The following PKD1L1 variants were observed in gnomAD, a reference collection of about 807,000 sequenced individuals.
The protein encoded by PKD1L1 is polycystin 1 like 1, transient receptor potential channel interacting.
In PKD1L1, 236 loss-of-function variants were observed where a neutral mutation model predicts 323.4. The observed-to-expected ratio is 0.73, with a 90% CI of 0.66 to 0.81. PKD1L1 has a LOEUF of 0.81. Among genes scored for constraint, PKD1L1 ranks in the 40% least tolerant of loss-of-function variants. The pLI, the probability that PKD1L1 is intolerant of heterozygous loss-of-function variation, is 0.00. For synonymous variants in PKD1L1, 1,344 were observed against 1,335.0 expected (o/e 1.01, Z -0.15); for missense variants, 3,320 against 3,508.0 (o/e 0.95, Z 1.35).
At chr7:47,923,335 T>TAAAA (rs371527820) in intron 7 of PKD1L1, among the ~76,000 whole-genome samples, 128 of 123,502 alleles carry the variant, frequency 1.0e-3, no homozygotes, top group African/African-American at 3.7e-3. Context: ...CAATAAATAC[T>TAAAA]AAAAAAAAAA....
intron 22 of PKD1L1, among the ~76,000 whole-genome samples, chr7:47,876,686 G>T (rs984596739): frequency 6.6e-6 from 1 of 152,154 alleles, no homozygotes; most frequent in Non-Finnish European, 1.5e-5. Context: ...GGGCAGGGAG[G>T]TCAGTGTCCT....
At chr7:47,812,709 T>C (rs1784927227) in intron 49 of PKD1L1, among the ~76,000 whole-genome samples, 1 of 152,108 alleles carries the variant, frequency 6.6e-6, no homozygotes, top group South Asian at 2.1e-4. Context: ...CATGGGGTCG[T>C]GCTTGTTACG....
chr7:47,942,192 G>C (rs1788001767), intron 2 of PKD1L1, among the ~76,000 whole-genome samples: 1 of 152,114 alleles, frequency 6.6e-6, no homozygotes, highest in African/African-American at 2.4e-5. Flanking sequence ...TTAGTCAGAT[G>C]GGGAGATATA....
Position 47,839,300 on chromosome 7 carries a change from T to G in PKD1L1, c.5769+146A>C. The G allele has an allele frequency of 1.6e-6, 1 of 632,602 alleles. No homozygotes were observed. The highest frequency in any genetic ancestry group is 2.7e-6 in the Non-Finnish European group (1 of 368,662). The allele number at this position is 632,602 out of a possible 1,614,324, so 39.2% of individuals were successfully genotyped here. A position where few individuals can be genotyped will look rare whatever the true frequency, so the allele number is the denominator to read the frequency against. ...ACTCAATGAATGTATCATTTAATAT[T>G]TTGATATCGTGGTAATTAACTAAGA... On this transcript the variant is annotated intron_variant, in intron 36 of 56. Coordinates refer to ENST00000289672, the MANE Select transcript of PKD1L1 (RefSeq NM_138295.5). This position sits in a 1 kb window ranked among gnomAD's most constrained non-coding sequence, Gnocchi z 4.3.
chr7:47,880,262 ATACATATATATATATATATATAT>A (rs1786512841), intron 21 of PKD1L1, among the ~76,000 whole-genome samples: 5 of 92,252 alleles, frequency 5.4e-5, no homozygotes, highest in African/African-American at 1.1e-4. Context: ...ATATATATAT[ATACATATATATATATATATATAT>A]TTTTTTTTTT....
At chr7:47,862,326 C>T (rs1562963071) in intron 26 of PKD1L1, among the ~76,000 whole-genome samples, 2 of 152,110 alleles carry the variant, frequency 1.3e-5, no homozygotes, top group Admixed American at 6.5e-5. Context: ...AATGATGATG[C>T]CCTCCCACCT....
At chr7:47,937,733 T>C (rs1284785100) in intron 3 of PKD1L1, among the ~76,000 whole-genome samples, 1 of 152,014 alleles carries the variant, frequency 6.6e-6, no homozygotes, top group Non-Finnish European at 1.5e-5. Context: ...GGAAGTGAGA[T>C]GGAGCCCAAG....
Position 47,796,135 on chromosome 7 carries a change from T to C in PKD1L1, c.8209A>G (p.Met2737Val), listed in dbSNP as rs1335711769. 1.1e-5 allele frequency: 17 copies of C among 1,597,616 alleles called. No individual in the cohort carries two copies. The African/African-American group carries it at 1.9e-4, about 18-fold the overall frequency. Reference sequence around the variant, plus strand: ...GATTTTCTTTTTTGGGGTAAAGTCATGAGAAAACCTCTCAGCTAGGAAAAA... The same window carrying C: ...GATTTTCTTTTTTGGGGTAAAGTCACGAGAAAACCTCTCAGCTAGGAAAAA... ...LCFGMLRGFL[M>V]TLPQKRKSFQ... Residue 2737 changes from methionine (M) to valine (V), a missense_variant, in exon 55 of 57, where the codon ATG becomes GTG. Coordinates refer to ENST00000289672, the MANE Select transcript of PKD1L1 (RefSeq NM_138295.5).
In PKD1L1 at chr7:47,866,600, AG is replaced by A; in HGVS notation, c.3910del (p.Leu1304Ter). On this transcript the variant is annotated frameshift_variant, in exon 25 of 57. Transcript: ENST00000289672. LOFTEE classifies it high-confidence loss of function. ...CLGEDLYNSS[L>X]KNLSTLQLMG... is the part of the protein sequence containing the mutation. The stretch of plus-strand genomic sequence containing the variant: ...CAGCTGGAGGGTAGAAAGGTTTTTC[AG>A]GCTGGAATTATACCTGAAGGAAACA... 1 of 1,606,280 alleles carries A rather than the reference AG, an allele frequency of 6.2e-7. No homozygotes were observed.
At chr7:47,800,011 C>T (rs985751292) in intron 54 of PKD1L1, among the ~76,000 whole-genome samples, 2 of 152,250 alleles carry the variant, frequency 1.3e-5, no homozygotes, top group East Asian at 3.8e-4. Flanking sequence ...AGGGGGCTTA[C>T]TAATACTGAA....
At chr7:47,957,862 A>ATATATATATATATATATATAT in the PKD1L1 span, among the ~76,000 whole-genome samples, 45 of 134,686 alleles carry the variant, frequency 3.3e-4, no homozygotes, top group Admixed American at 7.0e-4. Flanking sequence ...ATTAAAAAAA[A>ATATATATATATATATATATAT]ATATATATAT....
chr7:47,915,949 A>G (rs1787421365), intron 7 of PKD1L1, among the ~76,000 whole-genome samples: 1 of 152,206 alleles, frequency 6.6e-6, no homozygotes, highest in Admixed American at 6.5e-5. Context: ...AAATAGAAGA[A>G]GGTATCACTG....
chr7:47,888,966 C>T (rs1786747573), intron 16 of PKD1L1, among the ~76,000 whole-genome samples: 1 of 152,132 alleles, frequency 6.6e-6, no homozygotes, highest in East Asian at 1.9e-4. Context: ...ATGCAAACAT[C>T]CTATACTCTG....
chr7:47,798,673 T>G (rs1784594761), intron 54 of PKD1L1, among the ~76,000 whole-genome samples: 1 of 150,368 alleles, frequency 6.7e-6, no homozygotes, highest in Non-Finnish European at 1.5e-5. Context: ...GAGAATCACT[T>G]GAACCTGGGA....
At chr7:47,869,468 T>C (rs1271330470) in intron 24 of PKD1L1, among the ~76,000 whole-genome samples, 1 of 152,166 alleles carries the variant, frequency 6.6e-6, no homozygotes, top group Non-Finnish European at 1.5e-5. Flanking sequence ...GTTATGTTTA[T>C]ATCAGACAAA....
chr7:47,886,205 G>A lies in PKD1L1; in HGVS notation c.2837-151C>T, dbSNP rs767385346. ...ACTTAAGAGATACAGGGCAGAGAGT[G>A]TGGTGTTGGCGTGTTCTGTGTTGGC... is the stretch of plus-strand genomic sequence containing the variant. On this transcript the variant is annotated intron_variant, in intron 17 of 56. Coordinates refer to ENST00000289672, the MANE Select transcript of PKD1L1 (RefSeq NM_138295.5). The A allele has an allele frequency of 5.5e-5, 60 of 1,099,806 alleles. No individual in the cohort carries two copies. In the African/African-American group the frequency reaches 6.5e-4, roughly 12 times the overall value. 68.1% of individuals were successfully genotyped at this position (1,099,806 alleles called of 1,614,324 possible).
intron 8 of PKD1L1, among the ~76,000 whole-genome samples, chr7:47,911,711 C>T (rs565272213): frequency 4.7e-4 from 72 of 152,078 alleles, no homozygotes; most frequent in Non-Finnish European, 5.1e-4. Flanking sequence ...GCAAAAACTG[C>T]TAAAAGCGGC....
intron 32 of PKD1L1, among the ~76,000 whole-genome samples, chr7:47,845,347 C>A (rs1050645489): frequency 2.0e-5 from 3 of 152,182 alleles, no homozygotes; most frequent in African/African-American, 7.2e-5. Context: ...CAGCATATGG[C>A]GGTCTTCATG....
rs901619999 is a variant in PKD1L1 at position 47,811,969 on chromosome 7, T to C, written c.7429A>G (p.Thr2477Ala). The change falls in exon 50 of 57, where the codon ACT (threonine) becomes GCT (alanine). Residue 2477 changes from threonine to alanine, a missense_variant. Coordinates refer to ENST00000289672, the MANE Select transcript of PKD1L1 (RefSeq NM_138295.5). ...AGTTGGGTTGGAGGGTTATAGAGAG[T>C]GAAGTGCACAGACACAGCCCTGGTG... is the stretch of plus-strand genomic sequence containing the variant. ...RSTRAVSVHF[T>A]LYNPPTQLFT... 6.6e-5 allele frequency: 105 copies of C among 1,600,224 alleles called. No individual in the cohort carries two copies. The highest frequency in any genetic ancestry group is 8.7e-5 in the Non-Finnish European group (102 of 1,173,576).
Sources: allele counts gnomAD v4.1 joint callset (sites outside exome capture counted in the v4.1 genomes callset), GRCh38; gene constraint gnomAD v4.1.1; non-coding constraint Gnocchi (gnomAD v3.1); transcripts MANE v1.5; gene names NCBI Gene and HGNC (gene_info 2026-07-23, HGNC 2026-07-21).